The following GALNT2 variants were observed in gnomAD, a reference collection of about 807,000 sequenced individuals.
The protein encoded by GALNT2 is UDP-GalNAc:polypeptide N-acetylgalactosaminyltransferase 2.
A neutral mutation model predicts 81.4 loss-of-function variants in GALNT2; 31 were observed. The ratio of observed to expected loss-of-function variants is 0.38; its 90% CI spans 0.29 to 0.51. GALNT2 has a LOEUF of 0.51. Among genes scored for constraint, GALNT2 ranks in the 20% least tolerant of loss-of-function variants. The pLI, the probability that GALNT2 is intolerant of heterozygous loss-of-function variation, is 0.87. For missense variants in GALNT2, 629 were observed against 765.7 expected (o/e 0.82, Z 2.11); for synonymous variants, 303 against 287.4 (o/e 1.05, Z -0.55).
chr1:230,269,081 C>T (rs1326836448), intron 14 of GALNT2, among the ~76,000 whole-genome samples: 1 of 152,166 alleles, frequency 6.6e-6, no homozygotes, highest in Non-Finnish European at 1.5e-5. Flanking sequence ...GTGCTGACTC[C>T]CTGCTCACTC....
intron 3 of GALNT2, among the ~76,000 whole-genome samples, chr1:230,208,602 A>G (rs1324071721): frequency 6.6e-6 from 1 of 152,238 alleles, no homozygotes. Context: ...TGCAGACAGA[A>G]GAGGCCCAAG....
chr1:230,242,627 A>T (rs1369416800), intron 6 of GALNT2, among the ~76,000 whole-genome samples: 1 of 151,926 alleles, frequency 6.6e-6, no homozygotes, highest in Non-Finnish European at 1.5e-5. Context: ...GGCTCCAGTG[A>T]TCCTCCCACC....
At chr1:230,100,088 G>A (rs963527946) in intron 1 of GALNT2, among the ~76,000 whole-genome samples, 8 of 152,128 alleles carry the variant, frequency 5.3e-5, no homozygotes, top group African/African-American at 1.7e-4. Context: ...TCCATAGATC[G>A]TTGAATGAAT....
intron 1 of GALNT2, among the ~76,000 whole-genome samples, chr1:230,081,255 G>A (rs1164262653): frequency 1.3e-5 from 2 of 152,170 alleles, no homozygotes; most frequent in East Asian, 1.9e-4. Context: ...CCCAGCTGGT[G>A]TGAGGACCGA....
chr1:230,251,611 C>G (rs533937695), intron 10 of GALNT2, among the ~76,000 whole-genome samples: 19 of 152,062 alleles, frequency 1.2e-4, no homozygotes, highest in Non-Finnish European at 2.8e-4. Context: ...CTAGGGAAAG[C>G]TTGGATTGAA....
intron 1 of GALNT2, among the ~76,000 whole-genome samples, chr1:230,138,817 A>G (rs569134526): frequency 1.3e-5 from 2 of 152,308 alleles, no homozygotes; most frequent in African/African-American, 4.8e-5. Context: ...TTAGCATATA[A>G]TGAGCAGTGA....
chr1:230,266,997 C>G (rs1666054072), intron 14 of GALNT2, among the ~76,000 whole-genome samples: 6 of 146,538 alleles, frequency 4.1e-5, no homozygotes, highest in Admixed American at 4.0e-4. Flanking sequence ...GTGACACACA[C>G]ACACACACAC....
chr1:230,121,065 C>T (rs894941965), intron 1 of GALNT2, among the ~76,000 whole-genome samples: 3 of 152,332 alleles, frequency 2.0e-5, no homozygotes, highest in South Asian at 2.1e-4. Flanking sequence ...CTGCTGGCCA[C>T]GTACCCTTTC....
intron 15 of GALNT2, among the ~76,000 whole-genome samples, chr1:230,278,499 T>C (rs60955182): frequency 0.02 from 3,003 of 152,194 alleles, 108 homozygotes; most frequent in African/African-American, 0.068. Context: ...GCACTTTGAT[T>C]CTGGCTTAGT....
rs546891963 is a variant in GALNT2 at position 230,164,512 on chromosome 1, A to G, written c.127-13706A>G. On this transcript the variant is annotated intron_variant, in intron 1 of 15. Transcript: ENST00000366672. ...CGATCATGTGATCTCTTTCTTGCCC[A>G]GGACAGCACGGTCTCTGGGCCCTTT... Among the ~76,000 whole-genome samples the G allele has an allele frequency of 7.5e-4, 32 of 42,844 alleles. No homozygotes were observed. In the South Asian group the frequency reaches 0.022, roughly 29 times the overall value. 28.1% of individuals were successfully genotyped at this position (42,844 alleles called of 152,430 possible).
intron 2 of GALNT2, among the ~76,000 whole-genome samples, chr1:230,186,103 C>G (rs1260436171): frequency 6.6e-6 from 1 of 152,224 alleles, no homozygotes; most frequent in Non-Finnish European, 1.5e-5. Context: ...CTTTCAAGCT[C>G]CTTACATGCC....
chr1:230,107,646 T>TGTG (rs1356238842), intron 1 of GALNT2, among the ~76,000 whole-genome samples: 8 of 91,296 alleles, frequency 8.8e-5, no homozygotes, highest in African/African-American at 2.8e-4. Context: ...GTGTGTGTGG[T>TGTG]TGGTTGGTTG....
At chr1:230,220,712 C>T (rs182578113) in intron 3 of GALNT2, among the ~76,000 whole-genome samples, 13 of 152,256 alleles carry the variant, frequency 8.5e-5, no homozygotes, top group Non-Finnish European at 1.2e-4. Flanking sequence ...TGCCATCAAA[C>T]GAAGGTACTT....
intron 1 of GALNT2, among the ~76,000 whole-genome samples, chr1:230,171,168 C>G (rs948792942): frequency 1.3e-5 from 2 of 152,166 alleles, no homozygotes; most frequent in African/African-American, 4.8e-5. Context: ...TCTGCTTCTC[C>G]CATGGGTCAC....
Position 230,250,566 on chromosome 1 carries a change from T to C in GALNT2, c.1009+6T>C. On this transcript the variant is annotated splice_donor_region_variant and intron_variant, in intron 10 of 15. Coordinates refer to ENST00000366672, the MANE Select transcript of GALNT2 (RefSeq NM_004481.5). ...GTGGGGAGGAGAGAACCTAGGTATG[T>C]ACAAGCCTCAAATCTCAGGACAGAG... 1 of 1,600,064 alleles carries C rather than the reference T, an allele frequency of 6.2e-7. No individual in the cohort carries two copies. Among genetic ancestry groups the C allele is most frequent in the Non-Finnish European group, 8.5e-7 (1 of 1,170,344 alleles).
rs187775226 is a variant in GALNT2, at chr1:230,201,624, A to G, written c.221-1513A>G. On this transcript the variant is annotated intron_variant, in intron 2 of 15. Coordinates refer to ENST00000366672, the MANE Select transcript of GALNT2 (RefSeq NM_004481.5). ...ACGACCCAAGGGTTGACACGCTGCA[A>G]AAGAGCTGTCTCCCCCTTGCTGCCC... is the stretch of plus-strand genomic sequence containing the variant. 2.6e-5 allele frequency among the ~76,000 whole-genome samples: 4 copies of G among 152,284 alleles called. No homozygotes were observed. In the East Asian group the frequency reaches 5.8e-4, roughly 22 times the overall value.
At chr1:230,126,089 G>A (rs1487651948) in intron 1 of GALNT2, among the ~76,000 whole-genome samples, 1 of 152,236 alleles carries the variant, frequency 6.6e-6, no homozygotes, top group Non-Finnish European at 1.5e-5. Flanking sequence ...GAGGCCTTTT[G>A]GAACAGAAAC....
chr1:230,075,338 C>G (rs1233640520), intron 1 of GALNT2, among the ~76,000 whole-genome samples: 1 of 152,036 alleles, frequency 6.6e-6, no homozygotes, highest in Non-Finnish European at 1.5e-5. Flanking sequence ...CCAGGCTGGT[C>G]TCAAACTCCT....
chr1:230,204,010 T>A (rs1448848900), intron 3 of GALNT2, among the ~76,000 whole-genome samples: 1 of 152,164 alleles, frequency 6.6e-6, no homozygotes, highest in South Asian at 2.1e-4. Flanking sequence ...TAAAATTTTT[T>A]ATTTTTATTT....
Sources: gnomAD v4.1 joint callset for allele counts (sites outside exome capture counted in the v4.1 genomes callset) on GRCh38, gnomAD v4.1.1 for gene constraint, MANE v1.5 for transcripts, NCBI Gene and HGNC (gene_info 2026-07-23, HGNC 2026-07-21) for gene names.